Variants in ARHGAP15 observed in about 807,000 individuals in gnomAD.
ARHGAP15 encodes Rho GTPase activating protein 15.
A neutral mutation model predicts 63.7 loss-of-function variants in ARHGAP15; 51 were observed. That is an observed-to-expected ratio of 0.80 (90% CI 0.64 to 1.01). ARHGAP15 has a LOEUF of 1.01. Ranked by LOEUF, ARHGAP15 falls within the 50% of genes least tolerant of loss-of-function variation. The probability of loss-of-function intolerance (pLI) is 0.00; values close to 1 mark genes in which losing one functional copy is unlikely to be tolerated. For synonymous variants in ARHGAP15, 191 were observed against 193.8 expected (o/e 0.99, Z 0.12); for missense variants, 560 against 564.6 (o/e 0.99, Z 0.08).
chr2:143,182,326 C>T (rs1457531597), intron 2 of ARHGAP15, among the ~76,000 whole-genome samples: 1 of 152,098 alleles, frequency 6.6e-6, no homozygotes, highest in Non-Finnish European at 1.5e-5. Flanking sequence ...ACTGTGGTAT[C>T]TCAGAGAATA....
intron 12 of ARHGAP15, among the ~76,000 whole-genome samples, chr2:143,688,400 A>C (rs1683445951): frequency 6.6e-6 from 1 of 152,288 alleles, no homozygotes; most frequent in East Asian, 1.9e-4. Flanking sequence ...CATTGTTTTA[A>C]ATAATCATCA....
intron 10 of ARHGAP15, chr2:143,522,049 T>C (rs1247791887): frequency 6.6e-6 from 1 of 152,194 alleles, no homozygotes; most frequent in Non-Finnish European, 1.5e-5. Flanking sequence ...TGGCAAAAGA[T>C]GCATTCTTTA....
chr2:143,584,141 C>A (rs1051867744), intron 11 of ARHGAP15, among the ~76,000 whole-genome samples: 2 of 152,096 alleles, frequency 1.3e-5, no homozygotes, highest in East Asian at 3.9e-4. Context: ...CTAAAATTAC[C>A]GAAATAAAGC....
At chr2:143,413,394 T>G (rs905241059) in intron 6 of ARHGAP15, among the ~76,000 whole-genome samples, 1 of 152,140 alleles carries the variant, frequency 6.6e-6, no homozygotes, top group Non-Finnish European at 1.5e-5. Context: ...CCCTTTACCT[T>G]GGTAGAATAT....
At chr2:143,621,946 C>G (rs1698660902) in intron 11 of ARHGAP15, among the ~76,000 whole-genome samples, 1 of 152,086 alleles carries the variant, frequency 6.6e-6, no homozygotes, top group African/African-American at 2.4e-5. Context: ...CAAACTTGTG[C>G]ACCAAAACGG....
At chr2:143,442,602 T>G (rs1301713721) in intron 8 of ARHGAP15, among the ~76,000 whole-genome samples, 2 of 152,052 alleles carry the variant, frequency 1.3e-5, no homozygotes, top group South Asian at 2.1e-4. Context: ...GTAGGCAGCT[T>G]TTGTAGCATT....
chr2:143,634,458 A>T (rs999351286), intron 12 of ARHGAP15, among the ~76,000 whole-genome samples: 2 of 152,148 alleles, frequency 1.3e-5, no homozygotes, highest in Admixed American at 6.5e-5. Context: ...TGTAAAAAGA[A>T]TTTCATGAAA....
At chr2:143,538,011 G>T (rs1318343369) in intron 10 of ARHGAP15, among the ~76,000 whole-genome samples, 2 of 152,200 alleles carry the variant, frequency 1.3e-5, no homozygotes, top group African/African-American at 4.8e-5. Context: ...CTACCCATGA[G>T]CATAGAATAT....
chr2:143,477,711 G>GA (rs1277185954), intron 8 of ARHGAP15, among the ~76,000 whole-genome samples: 1 of 151,720 alleles, frequency 6.6e-6, no homozygotes, highest in Admixed American at 6.6e-5. Context: ...GAACACACTT[G>GA]AAAAAAAGGA....
At chr2:143,194,039 C>A (rs1300384263) in intron 2 of ARHGAP15, among the ~76,000 whole-genome samples, 1 of 152,158 alleles carries the variant, frequency 6.6e-6, no homozygotes, top group Non-Finnish European at 1.5e-5. Flanking sequence ...AGTTAAACAT[C>A]ATTAAATTAG....
intron 11 of ARHGAP15, among the ~76,000 whole-genome samples, chr2:143,556,793 T>C (rs966869349): frequency 3.9e-5 from 6 of 152,022 alleles, no homozygotes; most frequent in Non-Finnish European, 7.4e-5. Flanking sequence ...AAAAATGTTA[T>C]TGGCTTATAA....
intron 12 of ARHGAP15, among the ~76,000 whole-genome samples, chr2:143,645,089 T>A (rs1345865266): frequency 6.6e-6 from 1 of 152,092 alleles, no homozygotes; most frequent in Admixed American, 6.6e-5. Flanking sequence ...TTGTTTTACA[T>A]CTTTAAACAG....
At chr2:143,502,162 AT>A (rs1448361781) in intron 9 of ARHGAP15, among the ~76,000 whole-genome samples, 1 of 152,140 alleles carries the variant, frequency 6.6e-6, no homozygotes, top group Non-Finnish European at 1.5e-5. Context: ...TAATCCCAGC[AT>A]TTTGGGAGGC....
At chr2:143,517,835 C>G (rs531292546) in intron 9 of ARHGAP15, among the ~76,000 whole-genome samples, 5 of 152,096 alleles carry the variant, frequency 3.3e-5, no homozygotes, top group Non-Finnish European at 7.4e-5. Flanking sequence ...GAAGAAAATG[C>G]AAAGTCCCTG....
intron 6 of ARHGAP15, among the ~76,000 whole-genome samples, chr2:143,299,316 T>C (rs1325420749): frequency 4.6e-5 from 7 of 151,962 alleles, no homozygotes; most frequent in Admixed American, 6.6e-5. Flanking sequence ...GGGTTCTATT[T>C]TCCCAGTGAG....
chr2:143,226,321 C>A (rs757444164), intron 4 of ARHGAP15, among the ~76,000 whole-genome samples: 1 of 152,154 alleles, frequency 6.6e-6, no homozygotes, highest in African/African-American at 2.4e-5. Context: ...AGCCATTTAT[C>A]CAGGACTTAC....
chr2:143,623,359 C>T (rs948350683), intron 11 of ARHGAP15, among the ~76,000 whole-genome samples: 1 of 152,114 alleles, frequency 6.6e-6, no homozygotes, highest in South Asian at 2.1e-4. Context: ...TCAACATCTC[C>T]ACTCACTCAA....
At chr2:143,303,670 A>G (rs1683025641) in intron 6 of ARHGAP15, among the ~76,000 whole-genome samples, 2 of 152,208 alleles carry the variant, frequency 1.3e-5, no homozygotes, top group Admixed American at 1.3e-4. Flanking sequence ...CAGAGTGAAC[A>G]GGAAACCTAC....
intron 11 of ARHGAP15, among the ~76,000 whole-genome samples, chr2:143,583,399 T>C (rs908221261): frequency 8.5e-5 from 13 of 152,228 alleles, no homozygotes; most frequent in African/African-American, 3.1e-4. Context: ...AGCAGTTTTA[T>C]TGTATAACAT....
Sources: allele counts gnomAD v4.1 joint callset (sites outside exome capture counted in the v4.1 genomes callset), GRCh38; gene constraint gnomAD v4.1.1; transcripts MANE v1.5; gene names NCBI Gene and HGNC (gene_info 2026-07-23, HGNC 2026-07-21).